The following PLEKHG4B variants were observed in gnomAD, a reference collection of about 807,000 sequenced individuals.
The protein encoded by PLEKHG4B is pleckstrin homology domain-containing family G member 4B.
A neutral mutation model predicts 121.3 loss-of-function variants in PLEKHG4B; 111 were observed. That is an observed-to-expected ratio of 0.92 (90% CI 0.78 to 1.07). The LOEUF (loss-of-function observed/expected upper bound fraction) is 1.07, where lower values mean the gene tolerates loss of function less well. PLEKHG4B is among the 50% of genes least tolerant of loss of function. PLEKHG4B has a pLI of 0.00. For missense variants in PLEKHG4B, 1,831 were observed against 1,757.8 expected (o/e 1.04, Z -0.74); for synonymous variants, 738 against 725.0 (o/e 1.02, Z -0.29).
At chr5:109,421 A>T (rs1734072106) in intron 1 of PLEKHG4B, among the ~76,000 whole-genome samples, 1 of 144,200 alleles carries the variant, frequency 6.9e-6, no homozygotes, top group Admixed American at 6.8e-5. Flanking sequence ...AAAAAAAAAA[A>T]TCCAGCCAGA....
At chr5:102,847 G>T (rs1733862952) in intron 1 of PLEKHG4B, among the ~76,000 whole-genome samples, 2 of 152,200 alleles carry the variant, frequency 1.3e-5, no homozygotes, top group South Asian at 4.1e-4. Flanking sequence ...CGGATTTGGG[G>T]CCCTGCCTGG....
intron 13 of PLEKHG4B, among the ~76,000 whole-genome samples, chr5:164,971 G>T (rs1736249208): frequency 1.5e-5 from 1 of 66,408 alleles, no homozygotes; most frequent in Non-Finnish European, 3.7e-5. Flanking sequence ...TGCTCTGACG[G>T]GGCGGAGCTC....
chr5:112,613 C>G (rs776541979), intron 1 of PLEKHG4B, among the ~76,000 whole-genome samples: 1 of 152,228 alleles, frequency 6.6e-6, no homozygotes, highest in Non-Finnish European at 1.5e-5. Context: ...GGCCAATGAT[C>G]CTGTTTTTAG....
At chr5:142,709 C>T (rs934903997) in intron 3 of PLEKHG4B, among the ~76,000 whole-genome samples, 19 of 152,154 alleles carry the variant, frequency 1.2e-4, no homozygotes, top group South Asian at 2.1e-4. Context: ...CACACATGCA[C>T]GCGCAGTCAC....
At chr5:107,832 A>G (rs1015362392) in intron 1 of PLEKHG4B, among the ~76,000 whole-genome samples, 5 of 152,106 alleles carry the variant, frequency 3.3e-5, no homozygotes, top group African/African-American at 1.2e-4. Context: ...CACCTGGCCC[A>G]CTAGCTCCCA....
intron 13 of PLEKHG4B, among the ~76,000 whole-genome samples, chr5:168,084 C>T (rs565245950): frequency 3.3e-5 from 5 of 152,238 alleles, no homozygotes; most frequent in East Asian, 3.9e-4. Context: ...CCTGGGGATA[C>T]GGAGGTAGTG....
At position 140,222 on chromosome 5, in the gene PLEKHG4B, C is replaced by T; in HGVS notation, c.983C>T (p.Thr328Ile). ...AGACCCAAGGCCCTCACCTTCCACA[C>T]AGACCTGGGCATCCCGAGCAGCAGG... is the stretch of plus-strand genomic sequence containing the variant. ...EDRPKALTFH[T>I]DLGIPSSRRR... Residue 328 changes from threonine to isoleucine, a missense_variant, in exon 3 of 20, where the codon ACA (threonine) becomes ATA (isoleucine). Coordinates refer to ENST00000637938, the MANE Select transcript of PLEKHG4B (RefSeq NM_052909.5). The T allele has an allele frequency of 1.4e-6, 2 of 1,384,824 alleles. No homozygotes were observed. The highest frequency in any genetic ancestry group is 1.9e-6 in the Non-Finnish European group (2 of 1,041,226). 85.8% of individuals were successfully genotyped at this position (1,384,824 alleles called of 1,614,324 possible).
intron 1 of PLEKHG4B, among the ~76,000 whole-genome samples, chr5:94,288 C>A (rs752282904): frequency 6.6e-6 from 1 of 152,256 alleles, no homozygotes; most frequent in South Asian, 2.1e-4. Flanking sequence ...CCTGGCAGGG[C>A]AGGTGCTCCC....
intron 6 of PLEKHG4B, among the ~76,000 whole-genome samples, chr5:147,979 C>T (rs537742582): frequency 4.6e-5 from 7 of 152,196 alleles, no homozygotes; most frequent in Non-Finnish European, 1.0e-4. Flanking sequence ...GGGAAAAACA[C>T]ATGATCATCT....
chr5:172,563 G>A (rs1392556265), intron 16 of PLEKHG4B, among the ~76,000 whole-genome samples: 3 of 152,202 alleles, frequency 2.0e-5, no homozygotes, highest in Non-Finnish European at 2.9e-5. Context: ...ATCTCTGCAC[G>A]TATGACCCGG....
At chr5:167,608 T>C (rs1248805868) in intron 13 of PLEKHG4B, among the ~76,000 whole-genome samples, 1 of 152,106 alleles carries the variant, frequency 6.6e-6, no homozygotes, top group Non-Finnish European at 1.5e-5. Flanking sequence ...GAAAGTGCAG[T>C]GGATGGTGCT....
rs974811985 is a variant in PLEKHG4B at position 182,589 on chromosome 5, C to A, written c.*266C>A. Reference sequence around the variant, plus strand: ...CATAGGAAACAGACCTAAAACAAGACAAAAAAAGACTAAACATGAAACAAA... The same window carrying A: ...CATAGGAAACAGACCTAAAACAAGAAAAAAAAAGACTAAACATGAAACAAA... On this transcript the variant is annotated 3_prime_UTR_variant, in exon 20 of 20. Transcript: ENST00000637938. 16 of 445,316 alleles carry A rather than the reference C, an allele frequency of 3.6e-5. No individual in the cohort carries two copies. Among genetic ancestry groups the A allele is most frequent in the Admixed American group, 7.3e-5 (2 of 27,354 alleles). 27.6% of individuals were successfully genotyped at this position (445,316 alleles called of 1,614,324 possible). A position where few individuals can be genotyped will look rare whatever the true frequency, so the allele number is the denominator to read the frequency against.
Position 138,214 on chromosome 5 carries a change from T to C in PLEKHG4B, c.244-1269T>C, listed in dbSNP as rs112246280. 3.6e-3 allele frequency among the ~76,000 whole-genome samples: 543 copies of C among 152,380 alleles called. 1 individual carries two copies. The highest frequency in any genetic ancestry group is 0.012 in the African/African-American group (493 of 41,590). Reference sequence around the variant, plus strand: ...ATATTTTCTAGTTTTCTGCATTACATTACTTTCATCTGTTCAGGTTATTTT... The same window carrying C: ...ATATTTTCTAGTTTTCTGCATTACACTACTTTCATCTGTTCAGGTTATTTT... On this transcript the variant is annotated intron_variant, in intron 2 of 19. Transcript: ENST00000637938.
intron 2 of PLEKHG4B, among the ~76,000 whole-genome samples, chr5:117,970 T>C (rs1374987593): frequency 6.6e-6 from 1 of 151,856 alleles, no homozygotes; most frequent in Non-Finnish European, 1.5e-5. Flanking sequence ...ATCAATCAAA[T>C]AGAAATCAGA....
In PLEKHG4B at chr5:139,052, G is replaced by A. The variant is rs530655148; in HGVS notation, c.244-431G>A. On this transcript the variant is annotated intron_variant, in intron 2 of 19. Transcript: ENST00000637938. This position sits in a 1 kb window ranked among gnomAD's most constrained non-coding sequence, Gnocchi z 5.0. ...GCAGCCGGGAGCCACAGGGAGCACC[G>A]GGAGTGCAGAGGAGGGAGCCCCCCA... Among the ~76,000 whole-genome samples, 590 of 152,330 alleles carry A rather than the reference G, an allele frequency of 3.9e-3. 6 individuals are homozygous for A. Among genetic ancestry groups the A allele is most frequent in the Non-Finnish European group, 6.1e-3 (415 of 68,026 alleles).
intron 11 of PLEKHG4B, among the ~76,000 whole-genome samples, chr5:160,042 G>A (rs953795605): frequency 5.3e-5 from 8 of 152,202 alleles, no homozygotes; most frequent in African/African-American, 1.4e-4. Flanking sequence ...GAAACTCCAC[G>A]TTGTGACCGG....
At chr5:98,928 G>A (rs1438028532) in intron 1 of PLEKHG4B, among the ~76,000 whole-genome samples, 2 of 135,664 alleles carry the variant, frequency 1.5e-5, no homozygotes, top group African/African-American at 5.6e-5. Flanking sequence ...AGGCTGAGGC[G>A]GGTGGATCAT....
intron 16 of PLEKHG4B, among the ~76,000 whole-genome samples, chr5:171,660 G>A (rs1041815596): frequency 2.0e-5 from 3 of 152,202 alleles, no homozygotes; most frequent in Non-Finnish European, 2.9e-5. Context: ...AGCCAGGCTC[G>A]AGGCCCCTGG....
At chr5:132,646 G>A (rs1015973750) in intron 2 of PLEKHG4B, among the ~76,000 whole-genome samples, 2 of 152,152 alleles carry the variant, frequency 1.3e-5, no homozygotes, top group Admixed American at 6.5e-5. Flanking sequence ...CTGTTGAATA[G>A]GGTGTCCTTT....
Sources: allele counts gnomAD v4.1 joint callset (sites outside exome capture counted in the v4.1 genomes callset), GRCh38; gene constraint gnomAD v4.1.1; non-coding constraint Gnocchi (gnomAD v3.1); transcripts MANE v1.5; gene names NCBI Gene and HGNC (gene_info 2026-07-23, HGNC 2026-07-21).